Variants in BICD1 observed in about 807,000 individuals in gnomAD.
BICD1 encodes the protein protein bicaudal D homolog 1.
A neutral mutation model predicts 92.5 loss-of-function variants in BICD1; 35 were observed. That is an observed-to-expected ratio of 0.38 (90% CI 0.29 to 0.50). The LOEUF (loss-of-function observed/expected upper bound fraction) is 0.50, where lower values mean the gene tolerates loss of function less well. Among genes scored for constraint, BICD1 ranks in the 20% least tolerant of loss-of-function variants. The pLI is 0.93. For synonymous variants in BICD1, 429 were observed against 465.1 expected (o/e 0.92, Z 1.00); for missense variants, 950 against 1,189.8 (o/e 0.80, Z 2.97).
chr12:32,288,357 G>A (rs1328227418), intron 2 of BICD1, among the ~76,000 whole-genome samples: 1 of 150,706 alleles, frequency 6.6e-6, no homozygotes, highest in Admixed American at 6.7e-5. Flanking sequence ...TCAGCCCCCT[G>A]ACTAGCTGGG....
chr12:32,139,908 G>A (rs910439568), intron 1 of BICD1, among the ~76,000 whole-genome samples: 2 of 152,164 alleles, frequency 1.3e-5, no homozygotes, highest in Admixed American at 6.5e-5. Flanking sequence ...ACTTGTTGGC[G>A]TGTTTCAGTT....
intron 1 of BICD1, among the ~76,000 whole-genome samples, chr12:32,153,109 A>G (rs1450097930): frequency 6.6e-6 from 1 of 152,138 alleles, no homozygotes; most frequent in East Asian, 1.9e-4. Context: ...TAGTATTGCC[A>G]TCTTTATGTC....
chr12:32,359,174 TACTA>T lies in BICD1; in HGVS notation c.2765-8492_2765-8489del, dbSNP rs1471154687. ...TCAAAATTAAATGTTCTTGCTTTTCTACTAACTGTTAATCATCTGTTCTTATTGA... is the reference window on the plus strand; with the variant it reads ...TCAAAATTAAATGTTCTTGCTTTTCTACTGTTAATCATCTGTTCTTATTGA... On this transcript the variant is annotated intron_variant, in intron 8 of 9. Transcript: ENST00000652176. Among the ~76,000 whole-genome samples, 3 of 152,262 alleles carry T rather than the reference TACTA, an allele frequency of 2.0e-5. No homozygotes were observed. The East Asian group carries it at 5.8e-4, about 29-fold the overall frequency.
At chr12:32,363,136 T>C (rs1489086549) in intron 8 of BICD1, among the ~76,000 whole-genome samples, 1 of 152,228 alleles carries the variant, frequency 6.6e-6, no homozygotes, top group Non-Finnish European at 1.5e-5. Context: ...CTATCTTCCC[T>C]TCTACGTGAG....
At chr12:32,180,797 T>C (rs1398078581) in intron 1 of BICD1, among the ~76,000 whole-genome samples, 2 of 151,986 alleles carry the variant, frequency 1.3e-5, no homozygotes, top group Admixed American at 1.3e-4. Flanking sequence ...GATTATCTCA[T>C]TTAACCCTGT....
At chr12:32,370,547 A>G (rs1379179419) in intron 9 of BICD1, among the ~76,000 whole-genome samples, 3 of 152,166 alleles carry the variant, frequency 2.0e-5, no homozygotes, top group Admixed American at 6.5e-5. Flanking sequence ...TGCTGGGCAC[A>G]TGACAGCTGT....
chr12:32,349,179 C>T (rs1938761866), intron 8 of BICD1, among the ~76,000 whole-genome samples: 1 of 152,080 alleles, frequency 6.6e-6, no homozygotes, highest in Non-Finnish European at 1.5e-5. Flanking sequence ...GAGAGCCATC[C>T]GTATCTTCTG....
Position 32,337,244 on chromosome 12 carries a change from C to T in BICD1, c.2253-255C>T, listed in dbSNP as rs1326714311. On this transcript the variant is annotated intron_variant, in intron 6 of 9. Coordinates refer to ENST00000652176, the MANE Select transcript of BICD1 (RefSeq NM_001714.4). The surrounding 1 kb of genome is among the most constrained non-coding windows in gnomAD (Gnocchi z 4.7). ...CCTGGGCGATACAGCGAGACTCAGT[C>T]TCAAAAAACAAATAAACAAAACAAC... Among the ~76,000 whole-genome samples the T allele has an allele frequency of 2.0e-5, 3 of 152,048 alleles. No homozygotes were observed. The highest frequency in any genetic ancestry group is 7.2e-5 in the African/African-American group (3 of 41,392).
intron 1 of BICD1, chr12:32,108,593 ATTG>A (rs1024870306): frequency 7.5e-6 from 5 of 668,268 alleles, no homozygotes; most frequent in African/African-American, 3.6e-5. Flanking sequence ...AATGTTAATT[ATTG>A]TTTGGCATAT....
chr12:32,167,600 C>A (rs192272604), intron 1 of BICD1, among the ~76,000 whole-genome samples: 164 of 152,182 alleles, frequency 1.1e-3, no homozygotes, highest in Non-Finnish European at 2.5e-4. Context: ...GGACTACAGG[C>A]GCATGCCACC....
rs1219279453 is a variant in BICD1 at position 32,380,815 on chromosome 12, AGTC to A, written c.*3189_*3191del. The A allele has an allele frequency of 6.6e-6, 1 of 151,768 alleles. No homozygotes were observed. Among genetic ancestry groups the A allele is most frequent in the African/African-American group, 2.4e-5 (1 of 41,246 alleles). 9.4% of individuals were successfully genotyped at this position (151,768 alleles called of 1,614,324 possible). ...TCTAACGAAGAGGAGGTACAATAGT[AGTC>A]TTCAAGAAAAGAATATTTAACAAAT... On this transcript the variant is annotated 3_prime_UTR_variant, in exon 10 of 10. Coordinates refer to ENST00000652176, the MANE Select transcript of BICD1 (RefSeq NM_001714.4).
At chr12:32,348,723 A>AAAAAAAAAATATATAT (rs1938731695) in intron 8 of BICD1, among the ~76,000 whole-genome samples, 1 of 117,964 alleles carries the variant, frequency 8.5e-6, no homozygotes, top group Non-Finnish European at 1.9e-5. Flanking sequence ...CTCACACAAA[A>AAAAAAAAAATATATAT]ATATATATAT....
chr12:32,284,217 A>G (rs1363410324), intron 2 of BICD1, among the ~76,000 whole-genome samples: 3 of 152,134 alleles, frequency 2.0e-5, no homozygotes, highest in Admixed American at 2.0e-4. Flanking sequence ...CCTGGGAGAG[A>G]AGGCCTGTTC....
intron 1 of BICD1, among the ~76,000 whole-genome samples, chr12:32,185,504 C>G (rs1944402776): frequency 6.6e-6 from 1 of 152,194 alleles, no homozygotes; most frequent in African/African-American, 2.4e-5. Flanking sequence ...AACATCCTCT[C>G]CCTGAGGCTT....
At chr12:32,191,570 A>G (rs1289749759) in intron 1 of BICD1, among the ~76,000 whole-genome samples, 2 of 147,406 alleles carry the variant, frequency 1.4e-5, no homozygotes, top group Admixed American at 6.9e-5. Context: ...ATTGTATTAT[A>G]TATATAATAT....
Position 32,107,230 on chromosome 12 carries a change from C to T in BICD1, c.-102C>T. The T allele has an allele frequency of 1.8e-6, 2 of 1,142,190 alleles. No homozygotes were observed. The highest frequency in any genetic ancestry group is 1.6e-5 in the African/African-American group (1 of 63,844). The allele number at this position is 1,142,190 out of a possible 1,614,324, so 70.8% of individuals were successfully genotyped here. A position where few individuals can be genotyped will look rare whatever the true frequency, so the allele number is the denominator to read the frequency against. Reference sequence around the variant, plus strand: ...ATTCATCCGGCCGCACTTTCTTTTCCGTTTCCACCCATCCCTTCCCATTTC... The same window carrying T: ...ATTCATCCGGCCGCACTTTCTTTTCTGTTTCCACCCATCCCTTCCCATTTC... On this transcript the variant is annotated 5_prime_UTR_variant, in exon 1 of 10. Transcript: ENST00000652176.
At chr12:32,127,196 G>A (rs191440990) in intron 1 of BICD1, among the ~76,000 whole-genome samples, 2 of 152,164 alleles carry the variant, frequency 1.3e-5, no homozygotes, top group South Asian at 2.1e-4. Context: ...TTTCTAGGTT[G>A]TATTTTTCTA....
intron 8 of BICD1, among the ~76,000 whole-genome samples, chr12:32,360,044 G>A (rs946798101): frequency 6.6e-6 from 1 of 152,178 alleles, no homozygotes; most frequent in East Asian, 1.9e-4. Flanking sequence ...AATTAGCCAG[G>A]CGTGGTGGTG....
intron 2 of BICD1, among the ~76,000 whole-genome samples, chr12:32,242,095 G>A (rs1450067427): frequency 6.6e-6 from 1 of 151,250 alleles, no homozygotes; most frequent in Non-Finnish European, 1.5e-5. Flanking sequence ...TGCACCTTTA[G>A]TCTCAGCTAC....
Sources: allele counts gnomAD v4.1 joint callset (sites outside exome capture counted in the v4.1 genomes callset), GRCh38; gene constraint gnomAD v4.1.1; non-coding constraint Gnocchi (gnomAD v3.1); transcripts MANE v1.5; gene names NCBI Gene and HGNC (gene_info 2026-07-23, HGNC 2026-07-21).